The following GRM7 variants were observed in gnomAD, a reference collection of about 807,000 sequenced individuals.
The protein encoded by GRM7 is glutamate metabotropic receptor 7, also known as metabotropic glutamate receptor 7.
A neutral mutation model predicts 84.5 loss-of-function variants in GRM7; 35 were observed. The observed-to-expected ratio is 0.41, with a 90% CI of 0.32 to 0.55. The LOEUF (loss-of-function observed/expected upper bound fraction) is 0.55. Among genes scored for constraint, GRM7 ranks in the 20% least tolerant of loss-of-function variants. The pLI is 0.19. For missense variants in GRM7, 1,003 were observed against 1,194.6 expected, an observed-to-expected ratio of 0.84 and a Z score of 2.36; for synonymous variants, 487 against 455.1, an observed-to-expected ratio of 1.07 and a Z score of -0.89.
chr3:7,481,314 G>T (rs1699119448), intron 7 of GRM7, among the ~76,000 whole-genome samples: 1 of 152,098 alleles, frequency 6.6e-6, no homozygotes, highest in African/African-American at 2.4e-5. Flanking sequence ...CTGTGCTCAA[G>T]TGGGCTCTTG....
intron 4 of GRM7, among the ~76,000 whole-genome samples, chr3:7,365,654 T>TGC: frequency 6.9e-6 from 1 of 144,986 alleles, no homozygotes; most frequent in South Asian, 2.2e-4. Context: ...TGTGTATATA[T>TGC]ATATATATAT....
intron 5 of GRM7, among the ~76,000 whole-genome samples, chr3:7,423,594 A>G (rs977348830): frequency 6.6e-6 from 1 of 152,124 alleles, no homozygotes; most frequent in Non-Finnish European, 1.5e-5. Flanking sequence ...GTTACAGTAG[A>G]ATATAGCCTT....
At chr3:7,425,491 G>A (rs944074716) in intron 5 of GRM7, among the ~76,000 whole-genome samples, 6 of 152,048 alleles carry the variant, frequency 3.9e-5, no homozygotes, top group South Asian at 2.1e-4. Context: ...AACACAAGTC[G>A]GCAGCCTTGT....
Position 7,467,338 on chromosome 3 carries a change from G to C in GRM7, c.1515+5616G>C, listed in dbSNP as rs150035569. Among the ~76,000 whole-genome samples the C allele has an allele frequency of 6.6e-3, 1,002 of 152,224 alleles. 14 individuals carry two copies. Among genetic ancestry groups the C allele is most frequent in the South Asian group, 0.048 (230 of 4,816 alleles). The stretch of plus-strand genomic sequence containing the variant: ...TGCTGACCTTGTAATCAGTCCGCCT[G>C]AGCCTCCCAAAGTGCTGGGATTACA... On this transcript the variant is annotated intron_variant, in intron 7 of 9. Transcript: ENST00000357716.
intron 8 of GRM7, among the ~76,000 whole-genome samples, chr3:7,605,815 T>C (rs1242800870): frequency 2.0e-5 from 3 of 152,214 alleles, no homozygotes; most frequent in African/African-American, 7.2e-5. Context: ...GGCCAATTAG[T>C]AAATATTTTA....
Position 7,579,304 on chromosome 3 carries a change from G to A in GRM7, c.2398G>A (p.Val800Ile), listed in dbSNP as rs371564519. 3.9e-5 allele frequency: 63 copies of A among 1,595,602 alleles called. No homozygotes were observed. The highest frequency in any genetic ancestry group is 9.1e-5 in the South Asian group (8 of 88,224). Residue 800 changes from valine (V) to isoleucine (I), a missense_variant, in exon 8 of 10, where the codon GTA becomes ATA. Around this residue, in one of 2 missense-constraint regions of GRM7, gnomAD observed 910 missense variants for 1,126.0 expected, o/e 0.81. Coordinates refer to ENST00000357716, the MANE Select transcript of GRM7 (RefSeq NM_000844.4). ...IGFTMYTTCIVWLAFIPIFFG... is the reference protein window; with the variant it reads ...IGFTMYTTCIIWLAFIPIFFG... Reference sequence around the variant, plus strand: ...ATTCACTATGTACACGACATGTATAGTATGGCTTGCCTTCATTCCAATTTT... The same window carrying A: ...ATTCACTATGTACACGACATGTATAATATGGCTTGCCTTCATTCCAATTTT...
At chr3:7,049,517 A>C (rs1696920717) in intron 1 of GRM7, among the ~76,000 whole-genome samples, 1 of 151,972 alleles carries the variant, frequency 6.6e-6, no homozygotes, top group Non-Finnish European at 1.5e-5. Flanking sequence ...AGATTATTAG[A>C]ATTCAAGGTG....
chr3:7,723,678 C>T (rs1575670907), intron 9 of GRM7, among the ~76,000 whole-genome samples: 1 of 151,962 alleles, frequency 6.6e-6, no homozygotes, highest in African/African-American at 2.4e-5. Flanking sequence ...ATAAGACCCC[C>T]ATCTCTACAA....
intron 8 of GRM7, among the ~76,000 whole-genome samples, chr3:7,663,447 T>C (rs907206198): frequency 6.6e-6 from 1 of 152,174 alleles, no homozygotes; most frequent in Admixed American, 6.5e-5. Flanking sequence ...GCTGGTGAAC[T>C]TTCCAGCATC....
At chr3:7,455,798 A>G (rs1359956830) in intron 6 of GRM7, among the ~76,000 whole-genome samples, 1 of 152,198 alleles carries the variant, frequency 6.6e-6, no homozygotes, top group African/African-American at 2.4e-5. Flanking sequence ...AATAACATTT[A>G]CAGATTAATT....
At chr3:7,113,054 A>C (rs1339995281) in intron 1 of GRM7, among the ~76,000 whole-genome samples, 3 of 152,182 alleles carry the variant, frequency 2.0e-5, no homozygotes, top group Non-Finnish European at 4.4e-5. Flanking sequence ...TGATGATTCC[A>C]AGGGAAAAAA....
chr3:7,244,859 T>G (rs1196852541), intron 2 of GRM7, among the ~76,000 whole-genome samples: 2 of 151,988 alleles, frequency 1.3e-5, no homozygotes, highest in Non-Finnish European at 2.9e-5. Context: ...ATAGACTGCA[T>G]ATGTTGGAAT....
chr3:6,893,899 C>T (rs566830112), intron 1 of GRM7: 2 of 152,172 alleles, frequency 1.3e-5, no homozygotes, highest in African/African-American at 4.8e-5. Context: ...TGTTTTTCTT[C>T]GGATGACATG....
chr3:7,695,748 G>A (rs1454791748), intron 9 of GRM7, among the ~76,000 whole-genome samples: 1 of 152,132 alleles, frequency 6.6e-6, no homozygotes, highest in Non-Finnish European at 1.5e-5. Flanking sequence ...ACCGCATGGG[G>A]CAGTTATTAG....
rs112665158 is a variant in GRM7 at position 6,983,905 on chromosome 3, A to G, written c.519+121998A>G. On this transcript the variant is annotated intron_variant, in intron 1 of 9. Transcript: ENST00000357716. ...ATCTAACAATTAGATATTTAACAAT[A>G]TTTAACAATGTATCTGTGGTTTTAA... Among the ~76,000 whole-genome samples, 519 of 152,222 alleles carry G rather than the reference A, an allele frequency of 3.4e-3. 4 individuals are homozygous for G. Among genetic ancestry groups the G allele is most frequent in the African/African-American group, 0.012 (496 of 41,544 alleles).
At chr3:7,543,047 T>A (rs1692966221) in intron 7 of GRM7, among the ~76,000 whole-genome samples, 1 of 152,092 alleles carries the variant, frequency 6.6e-6, no homozygotes, top group East Asian at 1.9e-4. Context: ...TCACAAGAAG[T>A]TTTTATTTGA....
At chr3:6,869,931 T>C (rs772913479) in intron 1 of GRM7, among the ~76,000 whole-genome samples, 1 of 152,210 alleles carries the variant, frequency 6.6e-6, no homozygotes, top group African/African-American at 2.4e-5. Context: ...GAAATACTTA[T>C]TAAACACCTT....
chr3:7,018,291 A>T (rs1221970935), intron 1 of GRM7, among the ~76,000 whole-genome samples: 1 of 152,230 alleles, frequency 6.6e-6, no homozygotes, highest in Non-Finnish European at 1.5e-5. Context: ...ATTTCATGTC[A>T]GTTTACTTTG....
chr3:6,965,166 C>A (rs868422931), intron 1 of GRM7, among the ~76,000 whole-genome samples: 1 of 152,160 alleles, frequency 6.6e-6, no homozygotes, highest in Middle Eastern at 3.4e-3. Context: ...TGCCACTTCC[C>A]CCTGAAGAGG....
Sources: allele counts gnomAD v4.1 joint callset (sites outside exome capture counted in the v4.1 genomes callset), GRCh38; gene constraint gnomAD v4.1.1; regional missense constraint gnomAD v4.1.1; transcripts MANE v1.5; gene names NCBI Gene and HGNC (gene_info 2026-07-23, HGNC 2026-07-21).